The following SYN3 variants were observed in gnomAD, a reference collection of about 807,000 sequenced individuals.
The protein encoded by SYN3 is synapsin-3.
Under a neutral mutation model 65.8 loss-of-function variants are expected in SYN3, and 35 were observed. That is an observed-to-expected ratio of 0.53 (90% CI 0.41 to 0.70). SYN3 has a LOEUF of 0.70. Among genes scored for constraint, SYN3 ranks in the 30% least tolerant of loss-of-function variants. The pLI is 0.00. For synonymous variants in SYN3, 270 were observed against 292.9 expected (o/e 0.92, Z 0.80); for missense variants, 680 against 749.0 (o/e 0.91, Z 1.08).
intron 6 of SYN3, among the ~76,000 whole-genome samples, chr22:32,684,705 G>A (rs1416451382): frequency 2.6e-5 from 4 of 152,172 alleles, no homozygotes; most frequent in African/African-American, 9.7e-5. Flanking sequence ...TTACATTCAT[G>A]GCTTTTTAAC....
intron 4 of SYN3, among the ~76,000 whole-genome samples, chr22:32,881,589 C>T (rs1002147136): frequency 6.6e-6 from 1 of 152,194 alleles, no homozygotes; most frequent in Non-Finnish European, 1.5e-5. Flanking sequence ...ACCCAGGTGG[C>T]GCTGATCTCA....
In SYN3 at chr22:32,890,072, C is replaced by CTTTTTTT. The variant is rs5845051; in HGVS notation, c.462-20954_462-20948dup. Among the ~76,000 whole-genome samples, 132 of 58,288 alleles carry CTTTTTTT rather than the reference C, an allele frequency of 2.3e-3. 5 individuals are homozygous for CTTTTTTT. Among genetic ancestry groups the CTTTTTTT allele is most frequent in the East Asian group, 0.011 (17 of 1,566 alleles). The allele number at this position is 58,288 out of a possible 152,430, so 38.2% of individuals were successfully genotyped here. ...TTGGGTAATTATTGAGATTTAGCTGCTTTTTTTTTTTTTTTTTTTTTTTGA... is the reference window on the plus strand; with the variant it reads ...TTGGGTAATTATTGAGATTTAGCTGCTTTTTTTTTTTTTTTTTTTTTTTTTTTTTTGA... On this transcript the variant is annotated intron_variant, in intron 4 of 13. Coordinates refer to ENST00000358763, the MANE Select transcript of SYN3 (RefSeq NM_003490.4).
rs371667260 is a variant in SYN3 at position 32,509,515 on chromosome 22, A to G, written c.*4177T>C. On this transcript the variant is annotated 3_prime_UTR_variant, in exon 14 of 14. Coordinates refer to ENST00000358763, the MANE Select transcript of SYN3 (RefSeq NM_003490.4). The stretch of plus-strand genomic sequence containing the variant: ...CTATTTTAGGGTCGCCATGAGACCT[A>G]TGTGTCCTTGGTTCCTATGTTCATA... 1.2e-4 allele frequency among the ~76,000 whole-genome samples: 19 copies of G among 152,190 alleles called. No homozygotes were observed. In the East Asian group the frequency reaches 1.4e-3, roughly 11 times the overall value.
At chr22:33,001,010 A>G (rs2053044806) in intron 2 of SYN3, among the ~76,000 whole-genome samples, 1 of 152,178 alleles carries the variant, frequency 6.6e-6, no homozygotes, top group African/African-American at 2.4e-5. Context: ...GAGGTTAGGA[A>G]GTTCGTGAAG....
chr22:32,788,250 A>C (rs1247959064), intron 6 of SYN3, among the ~76,000 whole-genome samples: 1 of 151,916 alleles, frequency 6.6e-6, no homozygotes, highest in African/African-American at 2.4e-5. Context: ...ATTAAAAAAA[A>C]CATGAATTTG....
At position 32,650,279 on chromosome 22, in the gene SYN3, C is replaced by CTTTTTTTTTTTTTTTT. The variant is rs1371405589; in HGVS notation, c.712-53544_712-53543insAAAAAAAAAAAAAAAA. Among the ~76,000 whole-genome samples, 290 of 111,862 alleles carry CTTTTTTTTTTTTTTTT rather than the reference C, an allele frequency of 2.6e-3. 7 individuals carry two copies. The highest frequency in any genetic ancestry group is 0.015 in the South Asian group (44 of 2,890). The allele number at this position is 111,862 out of a possible 152,430, so 73.4% of individuals were successfully genotyped here. A position where few individuals can be genotyped will look rare whatever the true frequency, so the allele number is the denominator to read the frequency against. On this transcript the variant is annotated intron_variant, in intron 6 of 13. Transcript: ENST00000358763. ...CCTCCCTCTCTCTCTCTCTCTCTTTCTTTTTGAGACAGAGTCTCACTCTAT... is the reference window on the plus strand; with the variant it reads ...CCTCCCTCTCTCTCTCTCTCTCTTTCTTTTTTTTTTTTTTTTTTTTTGAGACAGAGTCTCACTCTAT...
chr22:33,004,451 T>C (rs1337205390), intron 2 of SYN3, among the ~76,000 whole-genome samples: 3 of 152,214 alleles, frequency 2.0e-5, no homozygotes, highest in Admixed American at 2.0e-4. Context: ...TCAAAGGAGA[T>C]TATTTCAGAG....
intron 2 of SYN3, among the ~76,000 whole-genome samples, chr22:32,986,170 C>T (rs1440031711): frequency 6.6e-6 from 1 of 152,052 alleles, no homozygotes; most frequent in African/African-American, 2.4e-5. Context: ...TAAGGAAATA[C>T]TGTCTGTAGG....
At chr22:32,748,065 C>T (rs1301844010) in intron 6 of SYN3, among the ~76,000 whole-genome samples, 2 of 152,178 alleles carry the variant, frequency 1.3e-5, no homozygotes, top group African/African-American at 4.8e-5. Context: ...TGGGGTCAAA[C>T]AAAGCCAGGT....
chr22:32,880,224 C>T (rs1422871137), intron 4 of SYN3, among the ~76,000 whole-genome samples: 1 of 152,180 alleles, frequency 6.6e-6, no homozygotes, highest in Non-Finnish European at 1.5e-5. Context: ...TCATAGCATC[C>T]TCACCCCAAA....
At chr22:33,035,453 T>C (rs754969886) in intron 1 of SYN3, among the ~76,000 whole-genome samples, 1 of 150,360 alleles carries the variant, frequency 6.7e-6, no homozygotes, top group Non-Finnish European at 1.5e-5. Context: ...CAGGTCCCCG[T>C]GGAAAGGTGG....
rs1051303986 is a variant in SYN3 at position 32,779,197 on chromosome 22, C to T, written c.711+85718G>A. Among the ~76,000 whole-genome samples the T allele has an allele frequency of 4.6e-5, 7 of 152,190 alleles. 1 individual carries two copies. In the South Asian group the frequency reaches 6.2e-4, roughly 14 times the overall value. ...GCAACCAGCCGGGCATGGTGGCTCA[C>T]GCCTGTAATCTCAGCACTTTGGGAG... On this transcript the variant is annotated intron_variant, in intron 6 of 13. Coordinates refer to ENST00000358763, the MANE Select transcript of SYN3 (RefSeq NM_003490.4).
intron 6 of SYN3, among the ~76,000 whole-genome samples, chr22:32,690,045 G>A (rs1402518754): frequency 6.6e-6 from 1 of 152,128 alleles, no homozygotes; most frequent in East Asian, 1.9e-4. Context: ...GCATGGTGGT[G>A]GGTGCCTGTA....
intron 6 of SYN3, among the ~76,000 whole-genome samples, chr22:32,782,416 G>A (rs2046090103): frequency 6.6e-6 from 1 of 151,912 alleles, no homozygotes; most frequent in Non-Finnish European, 1.5e-5. Flanking sequence ...TGACCAGGCT[G>A]GTCTCAAACT....
chr22:32,835,417 C>T (rs961559499), intron 6 of SYN3, among the ~76,000 whole-genome samples: 10 of 152,126 alleles, frequency 6.6e-5, no homozygotes, highest in Non-Finnish European at 1.3e-4. Context: ...TAGTTACATA[C>T]ACACTAGGGC....
chr22:32,659,905 C>T lies in SYN3; in HGVS notation c.712-63169G>A, dbSNP rs555437394. On this transcript the variant is annotated intron_variant, in intron 6 of 13. Transcript: ENST00000358763. ...AGGAAGGAGGCTGTACTAGACAATACAGGCAATACCTAAACTGTCCTCCAG... is the reference window on the plus strand; with the variant it reads ...AGGAAGGAGGCTGTACTAGACAATATAGGCAATACCTAAACTGTCCTCCAG... Among the ~76,000 whole-genome samples the T allele has an allele frequency of 5.6e-4, 85 of 152,340 alleles. No individual in the cohort carries two copies. The South Asian group carries it at 0.017, about 30-fold the overall frequency.
At chr22:32,533,952 G>C (rs961400258) in intron 9 of SYN3, 57 bp from the exon 10 acceptor site, 1 of 1,240,474 alleles carries the variant, frequency 8.1e-7, no homozygotes, top group East Asian at 2.4e-5. Context: ...GAAGCGGGTA[G>C]AGGGAGAGAA....
intron 6 of SYN3, among the ~76,000 whole-genome samples, chr22:32,750,766 A>C (rs1243303695): frequency 6.6e-6 from 1 of 152,026 alleles, no homozygotes; most frequent in African/African-American, 2.4e-5. Context: ...AACGGATTTG[A>C]TTGGGTGTGA....
intron 2 of SYN3, among the ~76,000 whole-genome samples, chr22:32,980,976 T>C (rs550347734): frequency 9.2e-5 from 14 of 151,904 alleles, no homozygotes; most frequent in African/African-American, 2.9e-4. Context: ...TGCCTCAGCC[T>C]CCCGAGTAGC....
Sources: gnomAD v4.1 joint callset for allele counts (sites outside exome capture counted in the v4.1 genomes callset) on GRCh38, gnomAD v4.1.1 for gene constraint, MANE v1.5 for transcripts, NCBI Gene and HGNC (gene_info 2026-07-23, HGNC 2026-07-21) for gene names.